The following MARF1 variants were observed in gnomAD, a reference collection of about 807,000 sequenced individuals.
MARF1 encodes limkain-b1.
A neutral mutation model predicts 168.2 loss-of-function variants in MARF1; 24 were observed. The observed-to-expected ratio is 0.14, with a 90% CI of 0.10 to 0.20. The LOEUF is 0.20. Among genes scored for constraint, MARF1 ranks in the 10% least tolerant of loss-of-function variants. MARF1 has a pLI of 1.00. For synonymous variants in MARF1, 868 were observed against 822.4 expected (o/e 1.06, Z -0.95); for missense variants, 1,744 against 2,143.6 (o/e 0.81, Z 3.68).
At chr16:15,602,701 A>G (rs1470550114) in intron 22 of MARF1, 1 of 450,866 alleles carries the variant, frequency 2.2e-6, no homozygotes, top group Non-Finnish European at 4.4e-6. Context: ...TATAGCCTCC[A>G]GCAAACTTCA....
chr16:15,630,781 T>G (rs1282131567), intron 6 of MARF1, among the ~76,000 whole-genome samples: 5 of 151,446 alleles, frequency 3.3e-5, no homozygotes, highest in Non-Finnish European at 7.4e-5. Context: ...ACTTTAAAAA[T>G]TATTAATACT....
In MARF1 at chr16:15,608,383, A is replaced by G. The variant is rs1392605716; in HGVS notation, c.4090T>C (p.Tyr1364His). ...CLMMTDLLTE[Y>H]AKTFGYTFRL... ...AATGTATAACCAAAAGTTTTAGCAT[A>G]TTCTGTAAGGAGATCTGTCATCATA... The change falls in exon 21 of 27, where the codon TAT becomes CAT. Residue 1364 changes from tyrosine (Y) to histidine (H), a missense_variant. Tyr to His is a moderately conservative substitution (Grantham distance 83). This residue lies in a region of MARF1 where 543 missense variants were observed against 742.1 expected (regional missense o/e 0.73). Transcript: ENST00000396368. 1.2e-6 allele frequency: 2 copies of G among 1,613,890 alleles called. No individual in the cohort carries two copies. The highest frequency in any genetic ancestry group is 2.7e-5 in the African/African-American group (2 of 74,880).
At chr16:15,623,438 C>G (rs938075349) in intron 10 of MARF1, among the ~76,000 whole-genome samples, 1 of 151,898 alleles carries the variant, frequency 6.6e-6, no homozygotes, top group Admixed American at 6.6e-5. Context: ...CACCACTACA[C>G]CCAGCTAATT....
intron 21 of MARF1, among the ~76,000 whole-genome samples, chr16:15,607,866 G>A (rs950112409): frequency 1.3e-5 from 2 of 152,216 alleles, no homozygotes; most frequent in African/African-American, 4.8e-5. Context: ...TTGCTCCTAA[G>A]CCTACTCCTA....
chr16:15,629,029 A>AC (rs1487568257), intron 7 of MARF1, among the ~76,000 whole-genome samples: 1 of 151,348 alleles, frequency 6.6e-6, no homozygotes, highest in East Asian at 1.9e-4. Flanking sequence ...CTAAAACACT[A>AC]CATTTACTTT....
chr16:15,617,812 CTT>C (rs1019227693), intron 13 of MARF1, among the ~76,000 whole-genome samples: 9 of 152,164 alleles, frequency 5.9e-5, no homozygotes, highest in South Asian at 2.1e-4. Flanking sequence ...ACCAAATTCT[CTT>C]GAGTTGGAAA....
intron 1 of MARF1, among the ~76,000 whole-genome samples, chr16:15,642,066 C>G (rs1051319382): frequency 2.0e-5 from 3 of 152,184 alleles, no homozygotes; most frequent in Non-Finnish European, 4.4e-5. Context: ...CAGATCCCAT[C>G]TCTAAAATGG....
chr16:15,597,354 G>T (rs989971565), intron 26 of MARF1, among the ~76,000 whole-genome samples: 3 of 152,224 alleles, frequency 2.0e-5, no homozygotes, highest in Non-Finnish European at 4.4e-5. Context: ...CTGGGTGTCA[G>T]GGAGCTCCTG....
At chr16:15,635,293 A>T (rs1452595547) in intron 3 of MARF1, 1 of 388,866 alleles carries the variant, frequency 2.6e-6, no homozygotes, top group Admixed American at 4.1e-5. Context: ...TTGCAAAAAG[A>T]CAACATGCAG....
chr16:15,640,782 T>TA (rs1567598940), intron 1 of MARF1, among the ~76,000 whole-genome samples: 1 of 152,262 alleles, frequency 6.6e-6, no homozygotes, highest in African/African-American at 2.4e-5. Context: ...CTCATTCACT[T>TA]AAATACTGCC....
chr16:15,605,079 A>G (rs772265229), intron 21 of MARF1, among the ~76,000 whole-genome samples: 7 of 152,222 alleles, frequency 4.6e-5, no homozygotes, highest in Non-Finnish European at 7.3e-5. Context: ...GGGACCAAAC[A>G]CCATGTGAAG....
intron 7 of MARF1, 29 bp downstream of exon 7, chr16:15,630,303 A>G: frequency 6.3e-7 from 1 of 1,581,750 alleles, no homozygotes; most frequent in Non-Finnish European, 8.6e-7. Context: ...AATATTGGAA[A>G]ATGGCAAAAA....
intron 4 of MARF1, 86 bp from the exon 5 acceptor site, chr16:15,633,929 A>T: frequency 8.7e-7 from 1 of 1,152,102 alleles, no homozygotes; most frequent in South Asian, 1.6e-5. Context: ...TATCATTCTC[A>T]GTGGTAGAAA....
chr16:15,632,946 G>A (rs186557470), intron 5 of MARF1, among the ~76,000 whole-genome samples: 3 of 152,034 alleles, frequency 2.0e-5, no homozygotes, highest in Admixed American at 6.5e-5. Context: ...TATATTCTAC[G>A]TGCCTGGTTC....
At chr16:15,605,659 A>G (rs1207607719) in intron 21 of MARF1, among the ~76,000 whole-genome samples, 1 of 152,070 alleles carries the variant, frequency 6.6e-6, no homozygotes, top group Non-Finnish European at 1.5e-5. Flanking sequence ...ATGCATTAGA[A>G]TTGCCTGGGG....
intron 3 of MARF1, chr16:15,635,333 G>A (rs911596992): frequency 2.4e-6 from 1 of 423,944 alleles, no homozygotes; most frequent in Non-Finnish European, 4.2e-6. Flanking sequence ...GGGCCCATGT[G>A]TAAGCTGAAT....
At chr16:15,599,900 G>A (rs576648898) in intron 25 of MARF1, among the ~76,000 whole-genome samples, 5 of 152,254 alleles carry the variant, frequency 3.3e-5, no homozygotes, top group South Asian at 2.1e-4. Flanking sequence ...TGAACTTGCC[G>A]GCTCGCTCTA....
chr16:15,631,405 G>C lies in MARF1; in HGVS notation c.1327C>G (p.Pro443Ala). ...LRRFANTHTA[P>A]ATVVLVSTDV... ...CTTGACACAAGAACCACTGTGGCTGGAGCAGTGTGTGTATTTGCAAATCTG... is the reference window on the plus strand; with the variant it reads ...CTTGACACAAGAACCACTGTGGCTGCAGCAGTGTGTGTATTTGCAAATCTG... The change falls in exon 6 of 27, where the codon CCA becomes GCA. Residue 443 changes from proline to alanine, a missense_variant. Physicochemically the swap from Pro to Ala is conservative, Grantham distance 27. Transcript: ENST00000396368. The C allele has an allele frequency of 6.2e-7, 1 of 1,611,790 alleles. No individual in the cohort carries two copies. The highest frequency in any genetic ancestry group is 8.5e-7 in the Non-Finnish European group (1 of 1,178,220).
chr16:15,635,563 C>G, intron 3 of MARF1, 93 bp downstream of exon 3: 2 of 1,149,320 alleles, frequency 1.7e-6, no homozygotes, highest in Non-Finnish European at 2.5e-6. Context: ...GAATCTTCAA[C>G]CCCATGTATA....
Sources: allele counts gnomAD v4.1 joint callset (sites outside exome capture counted in the v4.1 genomes callset), GRCh38; gene constraint gnomAD v4.1.1; regional missense constraint gnomAD v4.1.1; transcripts MANE v1.5; gene names NCBI Gene and HGNC (gene_info 2026-07-23, HGNC 2026-07-21).